Variants in UBE2E3 observed in about 807,000 individuals in gnomAD.
UBE2E3 encodes the protein ubiquitin-conjugating enzyme E2 E3.
A neutral mutation model predicts 23.6 loss-of-function variants in UBE2E3; 5 were observed. The ratio of observed to expected loss-of-function variants is 0.21; its 90% confidence interval spans 0.11 to 0.44. The LOEUF is 0.44. Ranked by LOEUF, UBE2E3 falls within the 20% of genes least tolerant of loss-of-function variation. The probability of loss-of-function intolerance (pLI) is 0.99; values close to 1 mark genes in which losing one functional copy is unlikely to be tolerated. For synonymous variants in UBE2E3, 78 were observed against 87.5 expected, an observed-to-expected ratio of 0.89 and a Z score of 0.60; for missense variants, 81 against 249.8, an observed-to-expected ratio of 0.32 and a Z score of 4.55.
At chr2:181,034,597 A>G (rs62181560) in intron 3 of UBE2E3, among the ~76,000 whole-genome samples, 30,134 of 152,162 alleles carry the variant, frequency 0.2, 3,788 homozygotes, top group Non-Finnish European at 0.27. Context: ...TAATGGGTGC[A>G]GCACACCAAC....
intron 3 of UBE2E3, among the ~76,000 whole-genome samples, chr2:181,002,004 A>G (rs1305186252): frequency 6.6e-6 from 1 of 152,198 alleles, no homozygotes; most frequent in African/African-American, 2.4e-5. Flanking sequence ...CAGCTGTTGC[A>G]TATGGAGATT....
At chr2:181,034,738 TTAAAG>T (rs1686214819) in intron 3 of UBE2E3, among the ~76,000 whole-genome samples, 1 of 152,214 alleles carries the variant, frequency 6.6e-6, no homozygotes. Flanking sequence ...TATGTCCAGC[TTAAAG>T]TTTAGTGTGA....
intron 3 of UBE2E3, among the ~76,000 whole-genome samples, chr2:181,027,258 T>C (rs1685924061): frequency 6.6e-6 from 1 of 151,936 alleles, no homozygotes; most frequent in South Asian, 2.1e-4. Context: ...AGTTAAATCT[T>C]TGACTAAAAG....
intron 3 of UBE2E3, among the ~76,000 whole-genome samples, chr2:181,033,094 G>T (rs868608611): frequency 2.0e-5 from 3 of 152,112 alleles, no homozygotes; most frequent in Non-Finnish European, 4.4e-5. Context: ...TGTAAAAACG[G>T]CCATACTGCC....
intron 3 of UBE2E3, among the ~76,000 whole-genome samples, chr2:181,043,999 T>G (rs1686596421): frequency 1.3e-5 from 2 of 152,172 alleles, no homozygotes; most frequent in Admixed American, 1.3e-4. Flanking sequence ...TTTATTCACG[T>G]CTCTGTTTTT....
chr2:181,019,349 TG>T (rs1194572495), intron 3 of UBE2E3, among the ~76,000 whole-genome samples: 1 of 152,234 alleles, frequency 6.6e-6, no homozygotes, highest in Non-Finnish European at 1.5e-5. Context: ...GTGCTCAAAA[TG>T]TGCTGCCCAT....
intron 3 of UBE2E3, among the ~76,000 whole-genome samples, chr2:181,028,280 G>T (rs377626723): frequency 1.3e-5 from 2 of 151,962 alleles, no homozygotes; most frequent in South Asian, 2.1e-4. Context: ...ATTTTATTAC[G>T]TGGATATACT....
intron 3 of UBE2E3, among the ~76,000 whole-genome samples, chr2:181,018,225 T>C (rs1182601064): frequency 6.6e-6 from 1 of 152,162 alleles, no homozygotes; most frequent in Non-Finnish European, 1.5e-5. Flanking sequence ...GCCAATAAAA[T>C]ATAAAGAACA....
chr2:180,997,888 A>C (rs1345004736), intron 3 of UBE2E3, among the ~76,000 whole-genome samples: 2 of 152,114 alleles, frequency 1.3e-5, no homozygotes. Flanking sequence ...TCCTGCACAT[A>C]TCTCTTTTGA....
intron 3 of UBE2E3, among the ~76,000 whole-genome samples, chr2:181,030,113 TG>T (rs1686029938): frequency 6.6e-6 from 1 of 152,062 alleles, no homozygotes; most frequent in Non-Finnish European, 1.5e-5. Flanking sequence ...ATTACAGGTG[TG>T]AGCCACCACA....
rs899800035 is a variant in UBE2E3 at position 181,034,532 on chromosome 2, T to G, written c.246-23161T>G. Among the ~76,000 whole-genome samples, 152 of 151,408 alleles carry G rather than the reference T, an allele frequency of 1.0e-3. 16 individuals are homozygous for G. Among genetic ancestry groups the G allele is most frequent in the Non-Finnish European group, 1.2e-4 (8 of 67,830 alleles). ...TCACACACCGGGACCTACCGTGGGG[T>G]GGGGGGAGCGGGGAGAGATAGCATT... On this transcript the variant is annotated intron_variant, in intron 3 of 5. Coordinates refer to ENST00000410062, the MANE Select transcript of UBE2E3 (RefSeq NM_006357.4).
chr2:181,015,264 A>G (rs1685450784), intron 3 of UBE2E3, among the ~76,000 whole-genome samples: 1 of 152,190 alleles, frequency 6.6e-6, no homozygotes, highest in Non-Finnish European at 1.5e-5. Flanking sequence ...CCAATATTTT[A>G]AGCCTACATA....
rs79442327 is a variant in UBE2E3, at chr2:181,036,223, G to A, written c.246-21470G>A. On this transcript the variant is annotated intron_variant, in intron 3 of 5. Coordinates refer to ENST00000410062, the MANE Select transcript of UBE2E3 (RefSeq NM_006357.4). ...GGTATTGGCATGGGTTGGGCATATAGATCAGTGAAACAGAATAAGGAGCCC... is the reference window on the plus strand; with the variant it reads ...GGTATTGGCATGGGTTGGGCATATAAATCAGTGAAACAGAATAAGGAGCCC... Among the ~76,000 whole-genome samples, 663 of 152,266 alleles carry A rather than the reference G, an allele frequency of 4.4e-3. 4 individuals are homozygous for A. Among genetic ancestry groups the A allele is most frequent in the African/African-American group, 0.015 (610 of 41,548 alleles).
At position 181,005,679 on chromosome 2, in the gene UBE2E3, G is replaced by A. The variant is rs1012438481; in HGVS notation, c.245+21586G>A. ...TGATTCTTCTGGTTTATAATTTCCT[G>A]TTATCTATTGAATAATTTGTTACGG... On this transcript the variant is annotated intron_variant, in intron 3 of 5. Transcript: ENST00000410062. Among the ~76,000 whole-genome samples the A allele has an allele frequency of 4.6e-5, 7 of 152,044 alleles. No homozygotes were observed. The East Asian group carries it at 1.2e-3, about 25-fold the overall frequency.
At chr2:181,031,925 T>C (rs1686091479) in intron 3 of UBE2E3, among the ~76,000 whole-genome samples, 2 of 152,318 alleles carry the variant, frequency 1.3e-5, no homozygotes, top group East Asian at 1.9e-4. Flanking sequence ...TGCCAGTTGC[T>C]TCTGTTTAAC....
intron 3 of UBE2E3, among the ~76,000 whole-genome samples, chr2:181,038,868 A>G (rs1686383805): frequency 6.6e-6 from 1 of 152,204 alleles, no homozygotes; most frequent in Admixed American, 6.5e-5. Flanking sequence ...TAAAACCACG[A>G]TGAAATACAA....
chr2:181,050,926 G>T (rs1004986490), intron 3 of UBE2E3, among the ~76,000 whole-genome samples: 8 of 151,828 alleles, frequency 5.3e-5, no homozygotes, highest in Non-Finnish European at 1.2e-4. Context: ...ACAGTAATAG[G>T]TAAGACTTGA....
chr2:181,061,267 C>T lies in UBE2E3; in HGVS notation c.526+455C>T, dbSNP rs917461107. 4.2e-4 allele frequency among the ~76,000 whole-genome samples: 21 copies of T among 49,700 alleles called. 9 individuals carry two copies. Among genetic ancestry groups the T allele is most frequent in the South Asian group, 3.5e-3 (3 of 864 alleles). The allele number at this position is 49,700 out of a possible 152,430, so 32.6% of individuals were successfully genotyped here. A position where few individuals can be genotyped will look rare whatever the true frequency, so the allele number is the denominator to read the frequency against. On this transcript the variant is annotated intron_variant, in intron 5 of 5. Transcript: ENST00000410062. ...CCTCCCGAGTAGCTGGGACTACAGG[C>T]GCCCGCCACCGCGCCCGGCTAATTT... is the stretch of plus-strand genomic sequence containing the variant.
chr2:181,021,626 CCCTTTTTTCCTT>C (rs1685697815), intron 3 of UBE2E3, among the ~76,000 whole-genome samples: 1 of 13,082 alleles, frequency 7.6e-5, no homozygotes, highest in Non-Finnish European at 1.6e-4. Flanking sequence ...CTCTCTCCCT[CCCTTTTTTCCTT>C]CCTTCCTTCC....
Sources: gnomAD v4.1 joint callset for allele counts (sites outside exome capture counted in the v4.1 genomes callset) on GRCh38, gnomAD v4.1.1 for gene constraint, MANE v1.5 for transcripts, NCBI Gene and HGNC (gene_info 2026-07-23, HGNC 2026-07-21) for gene names.